Variants in SGCD observed in about 807,000 individuals in gnomAD.
SGCD encodes sarcoglycan delta, also known as delta-sarcoglycan.
SGCD carries 18 observed loss-of-function variants against 36.6 expected under a neutral mutation model. That is an observed-to-expected ratio of 0.49 (90% CI 0.34 to 0.73). The LOEUF (loss-of-function observed/expected upper bound fraction) is 0.73, where lower values mean the gene tolerates loss of function less well. SGCD is among the 30% of genes least tolerant of loss of function. SGCD has a pLI of 0.01. For synonymous variants in SGCD, 133 were observed against 130.6 expected (o/e 1.02, Z -0.12); for missense variants, 387 against 346.7 (o/e 1.12, Z -0.92).
chr5:155,971,008 T>A (rs1488531543), intron 1 of SGCD, among the ~76,000 whole-genome samples: 1 of 152,166 alleles, frequency 6.6e-6, no homozygotes, highest in Admixed American at 6.6e-5. Flanking sequence ...CCAGACAGCA[T>A]GTCTGCATTC....
At chr5:155,917,147 C>A (rs1756762497) in intron 1 of SGCD, among the ~76,000 whole-genome samples, 1 of 152,164 alleles carries the variant, frequency 6.6e-6, no homozygotes, top group South Asian at 2.1e-4. Context: ...CAGACATGCA[C>A]CACTCTTAAG....
chr5:156,504,169 A>G (rs1756586113), intron 3 of SGCD, among the ~76,000 whole-genome samples: 1 of 151,200 alleles, frequency 6.6e-6, no homozygotes, highest in Non-Finnish European at 1.5e-5. Context: ...ACACTGTTGC[A>G]CTCCAGCCTG....
intron 3 of SGCD, among the ~76,000 whole-genome samples, chr5:156,269,424 C>T (rs1477416382): frequency 8.4e-6 from 1 of 119,042 alleles, no homozygotes; most frequent in Non-Finnish European, 1.6e-5. Context: ...GAGCCAAGAT[C>T]ATGCCATTGC....
intron 3 of SGCD, among the ~76,000 whole-genome samples, chr5:156,285,121 A>G (rs900382732): frequency 2.6e-4 from 39 of 152,266 alleles, no homozygotes; most frequent in African/African-American, 8.7e-4. Flanking sequence ...TACAAGGGAT[A>G]TGAAGGACCT....
chr5:156,498,444 G>A (rs527544189), intron 3 of SGCD, among the ~76,000 whole-genome samples: 16 of 152,034 alleles, frequency 1.1e-4, no homozygotes, highest in African/African-American at 3.1e-4. Context: ...AGTCTTCTCC[G>A]CCCTAGACAA....
At chr5:155,816,790 T>C in the SGCD span, among the ~76,000 whole-genome samples, 1 of 152,158 alleles carries the variant, frequency 6.6e-6, no homozygotes, top group Admixed American at 6.5e-5. Flanking sequence ...GTCCCAATAA[T>C]AGTATAAAAA....
chr5:156,383,462 C>A (rs1771106681), intron 3 of SGCD, among the ~76,000 whole-genome samples: 1 of 152,024 alleles, frequency 6.6e-6, no homozygotes, highest in South Asian at 2.1e-4. Flanking sequence ...CAAGATCGCG[C>A]CACTGCATTC....
At chr5:156,728,508 C>CAAA (rs34726270) in intron 7 of SGCD, among the ~76,000 whole-genome samples, 3,090 of 46,544 alleles carry the variant, frequency 0.066, 1,041 homozygotes, top group East Asian at 0.23. Flanking sequence ...GAGACTCTGT[C>CAAA]AAAAAAAAAA....
At chr5:156,711,129 G>A (rs1409595599) in intron 7 of SGCD, among the ~76,000 whole-genome samples, 1 of 152,130 alleles carries the variant, frequency 6.6e-6, no homozygotes, top group Admixed American at 6.5e-5. Context: ...AATGAGGCAA[G>A]TTTGATGCCC....
intron 1 of SGCD, among the ~76,000 whole-genome samples, chr5:156,005,156 T>G (rs1212530922): frequency 6.6e-6 from 1 of 152,126 alleles, no homozygotes; most frequent in African/African-American, 2.4e-5. Flanking sequence ...ACTCTAGAGT[T>G]ACAGGGTTTC....
intron 1 of SGCD, among the ~76,000 whole-genome samples, chr5:156,054,111 T>A (rs1759995917): frequency 6.9e-6 from 1 of 145,656 alleles, no homozygotes; most frequent in African/African-American, 2.5e-5. Context: ...GGTGGAGATG[T>A]CAAGTAAGAA....
At chr5:155,869,199 T>C (rs961362989), upstream of SGCD, among the ~76,000 whole-genome samples, 3 of 152,178 alleles carry the variant, frequency 2.0e-5, no homozygotes, top group African/African-American at 7.2e-5. Context: ...CTTTTCTTTA[T>C]TTACTAGAAG....
At chr5:156,041,253 T>G (rs1759626143) in intron 1 of SGCD, among the ~76,000 whole-genome samples, 1 of 152,212 alleles carries the variant, frequency 6.6e-6, no homozygotes, top group South Asian at 2.1e-4. Flanking sequence ...CTGAATCAGG[T>G]TGACTTATCC....
chr5:156,360,988 A>G (rs538652447), intron 3 of SGCD, among the ~76,000 whole-genome samples: 19 of 152,220 alleles, frequency 1.2e-4, no homozygotes, highest in African/African-American at 2.9e-4. Context: ...CAAGGGGTCA[A>G]TTGAGCTGCT....
chr5:156,588,902 A>G (rs1760602599), intron 4 of SGCD, among the ~76,000 whole-genome samples: 1 of 151,936 alleles, frequency 6.6e-6, no homozygotes, highest in Non-Finnish European at 1.5e-5. Flanking sequence ...CAAGACTAAT[A>G]TTTTCAGTAA....
At chr5:155,780,225 G>C in the SGCD span, among the ~76,000 whole-genome samples, 1 of 152,062 alleles carries the variant, frequency 6.6e-6, no homozygotes. Context: ...CCCCTAAACA[G>C]CTTGACATGG....
At chr5:155,807,536 A>G in the SGCD span, among the ~76,000 whole-genome samples, 1 of 152,282 alleles carries the variant, frequency 6.6e-6, no homozygotes, top group African/African-American at 2.4e-5. Context: ...CCTGGCAGTG[A>G]ATGATGTTTC....
chr5:156,686,438 T>C (rs561108925), intron 7 of SGCD, among the ~76,000 whole-genome samples: 1 of 152,154 alleles, frequency 6.6e-6, no homozygotes, highest in Non-Finnish European at 1.5e-5. Flanking sequence ...CCAGCCCTGG[T>C]AGAAGCCAAG....
intron 4 of SGCD, among the ~76,000 whole-genome samples, chr5:156,534,561 C>T (rs1758018582): frequency 6.6e-6 from 1 of 152,146 alleles, no homozygotes. Flanking sequence ...TATGGAAATG[C>T]TTTCCGTGGA....
Sources: gnomAD v4.1 joint callset for allele counts (sites outside exome capture counted in the v4.1 genomes callset) on GRCh38, gnomAD v4.1.1 for gene constraint, MANE v1.5 for transcripts, NCBI Gene and HGNC (gene_info 2026-07-23, HGNC 2026-07-21) for gene names.